The following TMED3 variants were observed in gnomAD, a reference collection of about 807,000 sequenced individuals.
The protein encoded by TMED3 is transmembrane emp24 domain-containing protein 3.
TMED3 carries 9 observed loss-of-function variants against 15.0 expected under a neutral mutation model. The observed-to-expected ratio is 0.60, with a 90% CI of 0.36 to 1.04. The LOEUF is 1.04. Among genes scored for constraint, TMED3 ranks in the 50% least tolerant of loss-of-function variants. The probability of loss-of-function intolerance (pLI) is 0.01; values close to 1 mark genes in which losing one functional copy is unlikely to be tolerated. For synonymous variants in TMED3, 117 were observed against 121.4 expected (o/e 0.96, Z 0.24); for missense variants, 267 against 278.9 (o/e 0.96, Z 0.30).
At chr15:79,411,446 A>G (rs1893977762) in exon 3 of TMED3, 2 of 702,570 alleles carry the variant, frequency 2.8e-6, no homozygotes, top group Non-Finnish European at 5.2e-6. Flanking sequence ...ATGGTCGACT[A>G]TATGCAGCCA....
chr15:79,375,957 G>A (rs938722372), intron 2 of TMED3, among the ~76,000 whole-genome samples: 2 of 152,184 alleles, frequency 1.3e-5, no homozygotes, highest in African/African-American at 4.8e-5. Context: ...AAATATGGCA[G>A]CCCTATGCTA....
chr15:79,366,098 C>T (rs1039376130), intron 2 of TMED3, among the ~76,000 whole-genome samples: 1 of 152,138 alleles, frequency 6.6e-6, no homozygotes, highest in African/African-American at 2.4e-5. Context: ...TATAGGTCTG[C>T]CTTTCTTTAT....
At chr15:79,412,000 G>T (rs1006645460) in exon 3 of TMED3, 15 of 152,214 alleles carry the variant, frequency 9.9e-5, no homozygotes, top group African/African-American at 3.4e-4. Context: ...CAGACTGGCC[G>T]TGCCTGCTTG....
intron 2 of TMED3, among the ~76,000 whole-genome samples, chr15:79,406,779 A>C (rs1173719366): frequency 6.6e-6 from 1 of 152,190 alleles, no homozygotes; most frequent in Non-Finnish European, 1.5e-5. Flanking sequence ...CCCCGCAGGA[A>C]TACTATGGCC....
intron 2 of TMED3, among the ~76,000 whole-genome samples, chr15:79,353,306 A>G (rs1567030606): frequency 5.8e-5 from 2 of 34,376 alleles, no homozygotes; most frequent in African/African-American, 1.5e-4. Context: ...TATTATATAT[A>G]TTATATATAT....
intron 2 of TMED3, among the ~76,000 whole-genome samples, chr15:79,407,451 G>A (rs779707396): frequency 6.6e-6 from 1 of 152,146 alleles, no homozygotes; most frequent in Non-Finnish European, 1.5e-5. Context: ...TCTTCCCAAA[G>A]TAAGGACTCT....
At chr15:79,353,129 TA>T (rs1301869206) in intron 2 of TMED3, among the ~76,000 whole-genome samples, 1 of 77,184 alleles carries the variant, frequency 1.3e-5, no homozygotes, top group Non-Finnish European at 2.2e-5. Context: ...ATAATATATA[TA>T]AAATATATAA....
At chr15:79,346,044 G>A (rs1172681684) in intron 2 of TMED3, among the ~76,000 whole-genome samples, 1 of 152,114 alleles carries the variant, frequency 6.6e-6, no homozygotes. Context: ...TATAGATGCT[G>A]GAGTTAGACC....
chr15:79,356,404 A>G (rs1012006487), intron 2 of TMED3, among the ~76,000 whole-genome samples: 2 of 152,226 alleles, frequency 1.3e-5, no homozygotes, highest in Admixed American at 6.5e-5. Context: ...TGGTGAATGA[A>G]TGGAAGAATA....
intron 2 of TMED3, among the ~76,000 whole-genome samples, chr15:79,377,796 G>A (rs889676452): frequency 7.0e-4 from 106 of 151,990 alleles, no homozygotes; most frequent in Non-Finnish European, 4.9e-4. Context: ...ACAGGCGCCC[G>A]CCACCGCGCC....
At chr15:79,325,441 A>T (rs1216153597), downstream of TMED3, among the ~76,000 whole-genome samples, 2 of 151,990 alleles carry the variant, frequency 1.3e-5, no homozygotes, top group Non-Finnish European at 2.9e-5. Flanking sequence ...TTTAGTGGGG[A>T]GGTGATGTTT....
intron 2 of TMED3, among the ~76,000 whole-genome samples, chr15:79,387,127 G>T (rs1273969391): frequency 2.0e-5 from 3 of 151,828 alleles, no homozygotes; most frequent in African/African-American, 7.3e-5. Flanking sequence ...AACATTCTCT[G>T]CCCCCAAATT....
downstream of TMED3, among the ~76,000 whole-genome samples, chr15:79,324,128 C>T (rs546955817): frequency 1.9e-4 from 29 of 152,236 alleles, no homozygotes; most frequent in Non-Finnish European, 3.8e-4. Context: ...GTAGCTGGGA[C>T]TACAGGCACC....
intron 2 of TMED3, among the ~76,000 whole-genome samples, chr15:79,333,500 C>T (rs2058816938): frequency 6.6e-6 from 1 of 152,244 alleles, no homozygotes; most frequent in South Asian, 2.1e-4. Flanking sequence ...GAGATGCTAA[C>T]ATAGTTTAAG....
intron 2 of TMED3, among the ~76,000 whole-genome samples, chr15:79,372,677 A>G (rs1005806854): frequency 3.3e-5 from 5 of 152,292 alleles, no homozygotes; most frequent in Middle Eastern, 3.4e-3. Flanking sequence ...ACTAGCCCCC[A>G]TGATTCAATT....
chr15:79,382,539 C>T (rs1893553410), intron 2 of TMED3, among the ~76,000 whole-genome samples: 1 of 152,246 alleles, frequency 6.6e-6, no homozygotes, highest in African/African-American at 2.4e-5. Context: ...TGATGCCTGG[C>T]CTGCACTGGC....
downstream of TMED3, among the ~76,000 whole-genome samples, chr15:79,327,648 A>G (rs1401004333): frequency 6.6e-6 from 1 of 152,186 alleles, no homozygotes; most frequent in African/African-American, 2.4e-5. Flanking sequence ...TTCTACTCAC[A>G]CGCACCCAAA....
downstream of TMED3, among the ~76,000 whole-genome samples, chr15:79,324,576 A>G (rs1340236382): frequency 1.3e-5 from 2 of 152,210 alleles, no homozygotes; most frequent in Admixed American, 6.5e-5. Flanking sequence ...ATTTTTTAAA[A>G]AGTAATATTT....
intron 2 of TMED3, among the ~76,000 whole-genome samples, chr15:79,386,062 G>A (rs1273784234): frequency 6.6e-6 from 1 of 152,198 alleles, no homozygotes; most frequent in African/African-American, 2.4e-5. Flanking sequence ...ATCAGAGAAA[G>A]TAGACAGAGA....
Sources: gnomAD v4.1 joint callset for allele counts (sites outside exome capture counted in the v4.1 genomes callset) on GRCh38, gnomAD v4.1.1 for gene constraint, MANE v1.5 for transcripts, NCBI Gene and HGNC (gene_info 2026-07-23, HGNC 2026-07-21) for gene names.